The following SYCP1 variants were observed in gnomAD, a reference collection of about 807,000 sequenced individuals.
The protein encoded by SYCP1 is synaptonemal complex protein 1, also known as cancer/testis antigen 8.
Under a neutral mutation model 153.1 loss-of-function variants are expected in SYCP1, and 64 were observed. The ratio of observed to expected loss-of-function variants is 0.42; its 90% CI spans 0.34 to 0.51. The LOEUF is 0.51. Ranked by LOEUF, SYCP1 falls within the 20% of genes least tolerant of loss-of-function variation. SYCP1 has a pLI of 0.06. For missense variants in SYCP1, 997 were observed against 1,049.0 expected (o/e 0.95, Z 0.68); for synonymous variants, 384 against 341.8 (o/e 1.12, Z -1.36).
chr1:114,984,543 T>TA (rs1673373369), intron 29 of SYCP1, among the ~76,000 whole-genome samples, 182 bp from the exon 30 acceptor site: 1 of 152,060 alleles, frequency 6.6e-6, no homozygotes, highest in Non-Finnish European at 1.5e-5. Flanking sequence ...AGACAACTTA[T>TA]AGTATCAAAA....
At position 114,876,758 on chromosome 1, in the gene SYCP1, TC is replaced by T; in HGVS notation, c.751del (p.Gln251AsnfsTer11). On this transcript the variant is annotated frameshift_variant, in exon 11 of 32. Coordinates refer to ENST00000369522, the MANE Select transcript of SYCP1 (RefSeq NM_003176.4). LOFTEE classifies it high-confidence loss of function. ...AAAGTAAAGGAAGATTATGAAAAAA[TC>T]CAACACCTTGAACAAGAATACAAGA... is the stretch of plus-strand genomic sequence containing the variant. ...HFKLKEDYEK[I>X]QHLEQEYKKE... 1 of 1,396,452 alleles carries T rather than the reference TC, an allele frequency of 7.2e-7. No homozygotes were observed. The highest frequency in any genetic ancestry group is 9.3e-7 in the Non-Finnish European group (1 of 1,069,598). 86.5% of individuals were successfully genotyped at this position (1,396,452 alleles called of 1,614,324 possible).
In SYCP1 at chr1:114,921,941, C is replaced by A. The variant is rs567915794; in HGVS notation, c.1719-1508C>A. ...ATTCTAGGGTAAAAGTTTTTTCCTTCAGCACTTTAAATATGTCATGACCCT... is the reference window on the plus strand; with the variant it reads ...ATTCTAGGGTAAAAGTTTTTTCCTTAAGCACTTTAAATATGTCATGACCCT... On this transcript the variant is annotated intron_variant, in intron 20 of 31. Transcript: ENST00000369522. Among the ~76,000 whole-genome samples, 6 of 152,164 alleles carry A rather than the reference C, an allele frequency of 3.9e-5. No individual in the cohort carries two copies. In the East Asian group the frequency reaches 1.2e-3, roughly 29 times the overall value.
chr1:114,882,185 A>AAAACAAACAAACAAAC lies in SYCP1; in HGVS notation c.911-3333_911-3318dup, dbSNP rs371923005. Reference sequence around the variant, plus strand: ...GGGTGGCAGAGTGAGACCCTGTCTCAAAACAAACAAACAAACAAACAAACA... The same window carrying AAAACAAACAAACAAAC: ...GGGTGGCAGAGTGAGACCCTGTCTCAAAACAAACAAACAAACAAACAAACAAACAAACAAACAAACA... On this transcript the variant is annotated intron_variant, in intron 12 of 31. Coordinates refer to ENST00000369522, the MANE Select transcript of SYCP1 (RefSeq NM_003176.4). Among the ~76,000 whole-genome samples, 7 of 151,710 alleles carry AAAACAAACAAACAAAC rather than the reference A, an allele frequency of 4.6e-5. No individual in the cohort carries two copies. In the South Asian group the frequency reaches 1.0e-3, roughly 23 times the overall value.
rs771935374 is a variant in SYCP1, at chr1:114,947,304, T to A, written c.2306T>A (p.Ile769Lys). 1 of 1,612,872 alleles carries A rather than the reference T, an allele frequency of 6.2e-7. No homozygotes were observed. Among genetic ancestry groups the A allele is most frequent in the Admixed American group, 1.7e-5 (1 of 59,896 alleles). ...ELLSVKKQLEIEREEKEKLKR... is the reference protein window; with the variant it reads ...ELLSVKKQLEKEREEKEKLKR... ...TTGTCTGTTAAGAAGCAACTTGAAA[T>A]AGAAAGAGAAGAGAAGGTAGGTTTT... The change falls in exon 27 of 32, where the codon ATA becomes AAA. Residue 769 changes from isoleucine (I) to lysine (K), a missense_variant. Coordinates refer to ENST00000369522, the MANE Select transcript of SYCP1 (RefSeq NM_003176.4).
Position 114,975,522 on chromosome 1 carries a change from G to A in SYCP1, c.2323-2035G>A, listed in dbSNP as rs1038294744. Among the ~76,000 whole-genome samples, 4 of 151,694 alleles carry A rather than the reference G, an allele frequency of 2.6e-5. No homozygotes were observed. The East Asian group carries it at 7.8e-4, about 29-fold the overall frequency. On this transcript the variant is annotated intron_variant, in intron 27 of 31. Transcript: ENST00000369522. The stretch of plus-strand genomic sequence containing the variant: ...TTACATTGTCAAGATTGATAAAAAT[G>A]TATATTCTATTATTTCACTATGATT...
chr1:114,993,367 G>GA (rs975092120), intron 30 of SYCP1, among the ~76,000 whole-genome samples: 1 of 151,492 alleles, frequency 6.6e-6, no homozygotes, highest in Non-Finnish European at 1.5e-5. Flanking sequence ...TAATGAGCAT[G>GA]AAAAAATTGT....
In SYCP1 at chr1:114,926,332, C is replaced by A; in HGVS notation, c.1855C>A (p.Gln619Lys). The change falls in exon 22 of 32, where the codon CAG becomes AAG. Residue 619 changes from glutamine (Q) to lysine (K), a missense_variant. Physicochemically the swap from Gln to Lys is moderately conservative, Grantham distance 53. Around this residue, in one of 2 missense-constraint regions of SYCP1, gnomAD observed 712 missense variants for 682.9 expected, o/e 1.04. Coordinates refer to ENST00000369522, the MANE Select transcript of SYCP1 (RefSeq NM_003176.4). ...TAAAAACAAGTATATTGAAGAACTT[C>A]AGCAGGAGGTATGTATTTTTTATAA... ...ENKNKYIEEL[Q>K]QENKALKKKG... The A allele has an allele frequency of 1.3e-6, 2 of 1,532,838 alleles. No homozygotes were observed. The highest frequency in any genetic ancestry group is 1.3e-5 in the South Asian group (1 of 77,942). 95.0% of individuals were successfully genotyped at this position (1,532,838 alleles called of 1,614,324 possible).
At chr1:114,881,541 T>TTCCTTCCTTCCTTCCTTCC (rs1557767728) in intron 12 of SYCP1, among the ~76,000 whole-genome samples, 26 of 151,602 alleles carry the variant, frequency 1.7e-4, no homozygotes, top group East Asian at 3.9e-4. Flanking sequence ...CCTTCCTTCC[T>TTCCTTCCTTCCTTCCTTCC]TTCTTGATGG....
chr1:114,979,547 C>A (rs968656883), intron 28 of SYCP1, among the ~76,000 whole-genome samples: 6 of 151,638 alleles, frequency 4.0e-5, no homozygotes, highest in Admixed American at 1.3e-4. Flanking sequence ...AACAATTTGT[C>A]CATTAAAGCA....
At chr1:114,912,978 A>G (rs1007511131) in intron 18 of SYCP1, 55 bp from the exon 19 acceptor site, 6 of 1,255,952 alleles carry the variant, frequency 4.8e-6, no homozygotes, top group Middle Eastern at 2.3e-4. Context: ...AAAATTCCAT[A>G]TTATGTCATT....
At chr1:114,906,155 T>G (rs2101648248) in intron 16 of SYCP1, among the ~76,000 whole-genome samples, 2 of 152,068 alleles carry the variant, frequency 1.3e-5, no homozygotes, top group East Asian at 3.9e-4. Context: ...TTAGTAGAGA[T>G]GGGGTTTCAC....
At chr1:114,953,799 G>T (rs929274424) in intron 27 of SYCP1, among the ~76,000 whole-genome samples, 2 of 151,970 alleles carry the variant, frequency 1.3e-5, no homozygotes, top group African/African-American at 4.8e-5. Flanking sequence ...ATATATTTTA[G>T]AATAAATTTA....
intron 20 of SYCP1, among the ~76,000 whole-genome samples, chr1:114,916,434 A>G (rs900477671): frequency 3.3e-5 from 5 of 152,112 alleles, no homozygotes. Context: ...CATGCAATAC[A>G]ACAAATATTA....
intron 21 of SYCP1, 126 bp downstream of exon 21, chr1:114,923,656 C>A: frequency 1.1e-6 from 1 of 941,614 alleles, no homozygotes; most frequent in Non-Finnish European, 1.4e-6. Context: ...AGACTGTCAT[C>A]AGCCATCAAC....
chr1:114,923,526 A>T lies in SYCP1; in HGVS notation c.1796A>T (p.Glu599Val). The change falls in exon 21 of 32, where the codon GAA becomes GTA. Residue 599 changes from glutamate (E) to valine (V), a missense_variant. By Grantham distance (121) the Glu-to-Val change is moderately radical. Around this residue, in one of 2 missense-constraint regions of SYCP1, gnomAD observed 712 missense variants for 682.9 expected, o/e 1.04. Transcript: ENST00000369522. ...EVKCKLDKSE[E>V]NCNNLRKQVE... is the part of the protein sequence containing the mutation. ...AAATGTAAATTGGACAAGAGTGAAG[A>T]AAATGTATGTTATATTTAATAATGG... 6.3e-7 allele frequency: 1 copy of T among 1,584,402 alleles called. No homozygotes were observed. Among genetic ancestry groups the T allele is most frequent in the Non-Finnish European group, 8.6e-7 (1 of 1,161,688 alleles).
intron 27 of SYCP1, among the ~76,000 whole-genome samples, chr1:114,970,174 A>G (rs1459870282): frequency 6.6e-6 from 1 of 152,062 alleles, no homozygotes; most frequent in East Asian, 1.9e-4. Context: ...TGAGCTCTAA[A>G]GTCTTTTCCT....
intron 15 of SYCP1, among the ~76,000 whole-genome samples, chr1:114,888,758 G>A (rs1666487579): frequency 6.6e-6 from 1 of 151,930 alleles, no homozygotes; most frequent in African/African-American, 2.4e-5. Flanking sequence ...ACAACGTGTA[G>A]GTTTGTTATA....
intron 16 of SYCP1, among the ~76,000 whole-genome samples, chr1:114,900,695 T>C (rs1667381382): frequency 6.6e-6 from 1 of 152,224 alleles, no homozygotes; most frequent in Admixed American, 6.5e-5. Flanking sequence ...AATTTTTAAC[T>C]TCAATGTAAA....
At chr1:114,904,413 G>A (rs116838341) in intron 16 of SYCP1, among the ~76,000 whole-genome samples, 9,251 of 152,068 alleles carry the variant, frequency 0.061, 323 homozygotes, top group Middle Eastern at 0.14. Flanking sequence ...ACCTCGCCCC[G>A]CCTAGAATTA....
Sources: allele counts gnomAD v4.1 joint callset (sites outside exome capture counted in the v4.1 genomes callset), GRCh38; gene constraint gnomAD v4.1.1; regional missense constraint gnomAD v4.1.1; transcripts MANE v1.5; gene names NCBI Gene and HGNC (gene_info 2026-07-23, HGNC 2026-07-21).